The following SH3GL2 variants were observed in gnomAD, a reference collection of about 807,000 sequenced individuals.
SH3GL2 encodes the protein SH3 domain containing GRB2 like 2, endophilin A1.
Under a neutral mutation model 46.0 loss-of-function variants are expected in SH3GL2, and 24 were observed. That is an observed-to-expected ratio of 0.52 (90% CI 0.38 to 0.73). The LOEUF (loss-of-function observed/expected upper bound fraction) is 0.73, where lower values mean the gene tolerates loss of function less well. Among genes scored for constraint, SH3GL2 ranks in the 30% least tolerant of loss-of-function variants. The pLI is 0.00. For synonymous variants in SH3GL2, 196 were observed against 147.1 expected, an observed-to-expected ratio of 1.33 and a Z score of -2.40; for missense variants, 413 against 424.2, an observed-to-expected ratio of 0.97 and a Z score of 0.23.
At chr9:17,652,539 C>T (rs552147925) in intron 1 of SH3GL2, among the ~76,000 whole-genome samples, 22 of 152,064 alleles carry the variant, frequency 1.4e-4, no homozygotes, top group African/African-American at 4.8e-4. Context: ...TATGTCACAA[C>T]ACTATTAATT....
chr9:17,671,221 CTTTAA>C (rs1284500276), intron 1 of SH3GL2, among the ~76,000 whole-genome samples: 1 of 146,092 alleles, frequency 6.8e-6, no homozygotes. Context: ...TTTATTTAAT[CTTTAA>C]TTTATTCATC....
chr9:17,769,254 G>A (rs1459309682), intron 3 of SH3GL2, among the ~76,000 whole-genome samples: 2 of 152,326 alleles, frequency 1.3e-5, no homozygotes, highest in African/African-American at 2.4e-5. Flanking sequence ...CCGAAATGCA[G>A]TGACGCAGTG....
chr9:17,710,454 A>G (rs944439045), intron 1 of SH3GL2, among the ~76,000 whole-genome samples: 5 of 151,980 alleles, frequency 3.3e-5, no homozygotes, highest in Non-Finnish European at 7.4e-5. Context: ...TAGAAAGTTG[A>G]TACTGTGGAC....
intron 1 of SH3GL2, among the ~76,000 whole-genome samples, chr9:17,650,603 C>T (rs553304250): frequency 3.8e-4 from 58 of 152,040 alleles, no homozygotes; most frequent in Admixed American, 2.9e-3. Flanking sequence ...CTGATCCGCC[C>T]GCTTCAGCCT....
chr9:17,595,510 A>G (rs868315276), intron 1 of SH3GL2, among the ~76,000 whole-genome samples: 1 of 152,158 alleles, frequency 6.6e-6, no homozygotes, highest in Non-Finnish European at 1.5e-5. Context: ...ACTTCTGGAG[A>G]TCAGTAGTTC....
chr9:17,691,039 T>TG (rs1427934257), intron 1 of SH3GL2, among the ~76,000 whole-genome samples: 1 of 152,160 alleles, frequency 6.6e-6, no homozygotes, highest in Non-Finnish European at 1.5e-5. Context: ...GCATGCTTTG[T>TG]GAAACAGAGA....
intron 2 of SH3GL2, among the ~76,000 whole-genome samples, chr9:17,749,108 C>G (rs547371087): frequency 6.6e-6 from 1 of 152,312 alleles, no homozygotes; most frequent in Non-Finnish European, 1.5e-5. Context: ...AAACCAGACT[C>G]TTACAGCTGA....
At chr9:17,741,545 A>G (rs977447170) in intron 1 of SH3GL2, among the ~76,000 whole-genome samples, 1 of 152,194 alleles carries the variant, frequency 6.6e-6, no homozygotes, top group Admixed American at 6.5e-5. Flanking sequence ...TTGATAGAGT[A>G]AAAGATATAC....
chr9:17,581,423 T>A lies in SH3GL2; in HGVS notation c.45+2136T>A, dbSNP rs1219587381. 3.3e-5 allele frequency among the ~76,000 whole-genome samples: 5 copies of A among 152,318 alleles called. No homozygotes were observed. In the East Asian group the frequency reaches 9.6e-4, roughly 29 times the overall value. On this transcript the variant is annotated intron_variant, in intron 1 of 8. Transcript: ENST00000380607. ...ATTTGAAAGGTGAAGCAGCACGTAGTCTCTTATCCATAATTTAGTGTAGCA... is the reference window on the plus strand; with the variant it reads ...ATTTGAAAGGTGAAGCAGCACGTAGACTCTTATCCATAATTTAGTGTAGCA...
intron 2 of SH3GL2, among the ~76,000 whole-genome samples, chr9:17,755,252 T>A (rs1213603550): frequency 6.6e-6 from 1 of 152,198 alleles, no homozygotes; most frequent in East Asian, 1.9e-4. Context: ...ATCATGTGTT[T>A]TTCTTCTTTA....
At chr9:17,652,633 A>C (rs944915439) in intron 1 of SH3GL2, among the ~76,000 whole-genome samples, 13 of 152,154 alleles carry the variant, frequency 8.5e-5, no homozygotes, top group Non-Finnish European at 1.8e-4. Flanking sequence ...CTAATCCAAA[A>C]ATGTAAAATC....
chr9:17,650,274 A>T lies in SH3GL2; in HGVS notation c.45+70987A>T, dbSNP rs1014159588. Among the ~76,000 whole-genome samples, 46 of 152,384 alleles carry T rather than the reference A, an allele frequency of 3.0e-4. 1 individual carries two copies. Among genetic ancestry groups the T allele is most frequent in the Middle Eastern group, 3.4e-3 (1 of 294 alleles). Reference sequence around the variant, plus strand: ...TGATATCCTTGTAACAGTTTGAAGTACACAAAAGAACGTGATATATCCTCT... The same window carrying T: ...TGATATCCTTGTAACAGTTTGAAGTTCACAAAAGAACGTGATATATCCTCT... On this transcript the variant is annotated intron_variant, in intron 1 of 8. Coordinates refer to ENST00000380607, the MANE Select transcript of SH3GL2 (RefSeq NM_003026.5).
intron 3 of SH3GL2, among the ~76,000 whole-genome samples, chr9:17,779,353 C>A (rs758868197): frequency 1.3e-5 from 2 of 152,012 alleles, no homozygotes; most frequent in African/African-American, 2.4e-5. Flanking sequence ...ACTTTGAGTC[C>A]CACAGGAAAT....
At chr9:17,645,952 TA>T (rs1819805776) in intron 1 of SH3GL2, among the ~76,000 whole-genome samples, 1 of 152,228 alleles carries the variant, frequency 6.6e-6, no homozygotes, top group East Asian at 1.9e-4. Context: ...TCCTGGGTAA[TA>T]TCCTGAAATA....
chr9:17,741,977 T>G lies in SH3GL2; in HGVS notation c.46-5089T>G, dbSNP rs368139889. 2.0e-5 allele frequency among the ~76,000 whole-genome samples: 3 copies of G among 152,078 alleles called. No homozygotes were observed. In the South Asian group the frequency reaches 6.2e-4, roughly 32 times the overall value. ...TTGAAGAGTAGAAAAGGAAATAGTT[T>G]CAGGTACAAAGCAAAGGGAACAAAC... is the stretch of plus-strand genomic sequence containing the variant. On this transcript the variant is annotated intron_variant, in intron 1 of 8. Coordinates refer to ENST00000380607, the MANE Select transcript of SH3GL2 (RefSeq NM_003026.5).
At chr9:17,784,465 C>A (rs142885214) in intron 3 of SH3GL2, among the ~76,000 whole-genome samples, 1 of 152,222 alleles carries the variant, frequency 6.6e-6, no homozygotes, top group Non-Finnish European at 1.5e-5. Context: ...TCCTTCTATT[C>A]ATTCTGTGTG....
intron 1 of SH3GL2, among the ~76,000 whole-genome samples, chr9:17,741,453 A>G (rs1822526681): frequency 2.0e-5 from 3 of 152,182 alleles, no homozygotes; most frequent in Admixed American, 2.0e-4. Context: ...TAAAATGAAG[A>G]TAGAATTTTC....
intron 1 of SH3GL2, among the ~76,000 whole-genome samples, chr9:17,727,712 C>T (rs983257047): frequency 6.6e-6 from 1 of 152,178 alleles, no homozygotes; most frequent in Admixed American, 6.5e-5. Flanking sequence ...AACCAAGGAG[C>T]AGTGCTGAGG....
In SH3GL2 at chr9:17,673,454, G is replaced by C. The variant is rs1381448902; in HGVS notation, c.46-73612G>C. 1.7e-4 allele frequency among the ~76,000 whole-genome samples: 25 copies of C among 151,296 alleles called. 1 individual carries two copies. Among genetic ancestry groups the C allele is most frequent in the Admixed American group, 1.7e-3 (25 of 15,150 alleles). On this transcript the variant is annotated intron_variant, in intron 1 of 8. Transcript: ENST00000380607. ...AGCCACCACGCCTGGCCTTCACTTT[G>C]ATCTTGACTCATCTCCCTGTCCCTG...
Sources: allele counts gnomAD v4.1 joint callset (sites outside exome capture counted in the v4.1 genomes callset), GRCh38; gene constraint gnomAD v4.1.1; transcripts MANE v1.5; gene names NCBI Gene and HGNC (gene_info 2026-07-23, HGNC 2026-07-21).